VPS8: variants seen among roughly 807,000 people sequenced by gnomAD.
VPS8 encodes the protein VPS8 subunit of CORVET complex.
A neutral mutation model predicts 216.4 loss-of-function variants in VPS8; 129 were observed. The ratio of observed to expected loss-of-function variants is 0.60; its 90% CI spans 0.52 to 0.69. VPS8 has a LOEUF of 0.69. Among genes scored for constraint, VPS8 ranks in the 30% least tolerant of loss-of-function variants. The pLI is 0.00. For synonymous variants in VPS8, 571 were observed against 565.4 expected (o/e 1.01, Z -0.14); for missense variants, 1,531 against 1,683.5 (o/e 0.91, Z 1.59).
chr3:184,901,179 C>G, intron 25 of VPS8: 1 of 549,098 alleles, frequency 1.8e-6, no homozygotes, highest in Non-Finnish European at 3.2e-6. Flanking sequence ...GATCCTTTCC[C>G]CACAGCCCTG....
chr3:184,947,318 C>G (rs1174004370), intron 36 of VPS8, among the ~76,000 whole-genome samples: 1 of 152,108 alleles, frequency 6.6e-6, no homozygotes, highest in African/African-American at 2.4e-5. Context: ...ACTTTCCTTT[C>G]AGAAAGTTTC....
chr3:184,823,744 A>G (rs1349340213), intron 1 of VPS8, among the ~76,000 whole-genome samples: 2 of 152,224 alleles, frequency 1.3e-5, no homozygotes, highest in Admixed American at 6.5e-5. Context: ...TAATTATTAA[A>G]CTTACAGTAA....
intron 30 of VPS8, among the ~76,000 whole-genome samples, chr3:184,925,547 A>C (rs1444583076): frequency 6.6e-6 from 1 of 152,146 alleles, no homozygotes; most frequent in Non-Finnish European, 1.5e-5. Context: ...CTCCTTTTAT[A>C]GATGAGGAAA....
chr3:184,968,498 CA>C (rs1747791894), intron 39 of VPS8, among the ~76,000 whole-genome samples: 1 of 152,194 alleles, frequency 6.6e-6, no homozygotes, highest in Admixed American at 6.5e-5. Context: ...TTCCCACCAA[CA>C]GTACACAAGG....
chr3:185,004,325 C>T (rs1298018317), intron 45 of VPS8, among the ~76,000 whole-genome samples: 5 of 152,192 alleles, frequency 3.3e-5, no homozygotes, highest in Non-Finnish European at 5.9e-5. Flanking sequence ...CAAAAAAATA[C>T]GAAAACCAGT....
chr3:184,928,373 T>C (rs1156696142), intron 31 of VPS8, 78 bp from the exon 32 acceptor site: 4 of 1,299,476 alleles, frequency 3.1e-6, no homozygotes, highest in African/African-American at 1.6e-5. Context: ...TTAAATGTTA[T>C]AGTCTGCATG....
intron 13 of VPS8, 73 bp downstream of exon 13, chr3:184,854,246 G>A: frequency 6.6e-7 from 1 of 1,511,500 alleles, no homozygotes; most frequent in Non-Finnish European, 9.2e-7. Context: ...GGCTTGCAAG[G>A]GGTGAATTCT....
chr3:184,891,019 A>G (rs930723278), intron 22 of VPS8, among the ~76,000 whole-genome samples: 1 of 152,168 alleles, frequency 6.6e-6, no homozygotes, highest in Non-Finnish European at 1.5e-5. Flanking sequence ...TACTTTGAAA[A>G]TAGATCCAGA....
intron 45 of VPS8, among the ~76,000 whole-genome samples, chr3:185,012,161 T>A (rs931044250): frequency 6.6e-5 from 10 of 150,810 alleles, no homozygotes; most frequent in African/African-American, 2.4e-4. Flanking sequence ...CTTGGTGACC[T>A]GTGAAACAAT....
chr3:184,829,728 T>C (rs1719590469), intron 3 of VPS8, among the ~76,000 whole-genome samples: 1 of 152,234 alleles, frequency 6.6e-6, no homozygotes, highest in African/African-American at 2.4e-5. Flanking sequence ...AAAAGATTTG[T>C]AGTGCTATCA....
intron 33 of VPS8, 132 bp downstream of exon 33, chr3:184,929,796 G>A: frequency 1.8e-6 from 1 of 547,320 alleles, no homozygotes; most frequent in Middle Eastern, 4.8e-4. Context: ...AACAGATACA[G>A]TTCTTGCAGT....
chr3:184,991,650 A>C (rs2109833079), intron 42 of VPS8, among the ~76,000 whole-genome samples: 1 of 152,316 alleles, frequency 6.6e-6, no homozygotes, highest in East Asian at 1.9e-4. Context: ...TAAATATTAT[A>C]ATAGATTTTT....
At chr3:184,928,377 C>A in intron 31 of VPS8, 74 bp from the exon 32 acceptor site, 1 of 1,332,178 alleles carries the variant, frequency 7.5e-7, no homozygotes, top group Non-Finnish European at 1.0e-6. Context: ...ATGTTATAGT[C>A]TGCATGGCTG....
chr3:184,986,852 A>G (rs1454796935), intron 42 of VPS8, among the ~76,000 whole-genome samples: 2 of 151,962 alleles, frequency 1.3e-5, no homozygotes, highest in African/African-American at 4.8e-5. Context: ...TCCCTCCCAC[A>G]CTCAGTTTTG....
In VPS8 at chr3:184,866,898, G is replaced by A; in HGVS notation, c.1418G>A (p.Cys473Tyr). The change falls in exon 17 of 48, where the codon TGT (cysteine) becomes TAT (tyrosine). Residue 473 changes from cysteine (C) to tyrosine (Y), a missense_variant. Physicochemically the swap from Cys to Tyr is radical, Grantham distance 194. Coordinates refer to ENST00000625842, the MANE Select transcript of VPS8 (RefSeq NM_001009921.3). Reference sequence around the variant, plus strand: ...CAGGCTTTGGTTGGAGAGAAGGCTTGTTATCAATCCATCAGTAGCTATGGT... The same window carrying A: ...CAGGCTTTGGTTGGAGAGAAGGCTTATTATCAATCCATCAGTAGCTATGGT... The part of the protein sequence containing the change: ...QALALVGEKA[C>Y]YQSISSYGGQ... 1 of 1,613,004 alleles carries A rather than the reference G, an allele frequency of 6.2e-7. No homozygotes were observed. Among genetic ancestry groups the A allele is most frequent in the Non-Finnish European group, 8.5e-7 (1 of 1,179,534 alleles).
chr3:185,047,983 C>T (rs1446857620), intron 46 of VPS8, among the ~76,000 whole-genome samples: 2 of 152,150 alleles, frequency 1.3e-5, no homozygotes, highest in African/African-American at 4.8e-5. Flanking sequence ...CAGGCTAGAC[C>T]GGCCCTTTTC....
chr3:184,853,054 A>G (rs1724607908), intron 11 of VPS8, among the ~76,000 whole-genome samples: 1 of 152,214 alleles, frequency 6.6e-6, no homozygotes, highest in South Asian at 2.1e-4. Flanking sequence ...AAGTTCTTCA[A>G]GGTTAACAAC....
chr3:184,984,328 T>C (rs1750737494), intron 42 of VPS8, among the ~76,000 whole-genome samples: 3 of 150,344 alleles, frequency 2.0e-5, no homozygotes, highest in South Asian at 2.1e-4. Context: ...AGTTTCACTC[T>C]TGTTGCCCAG....
At chr3:184,964,332 T>A in intron 37 of VPS8, 136 bp from the exon 38 acceptor site, 1 of 437,652 alleles carries the variant, frequency 2.3e-6, no homozygotes, top group East Asian at 3.8e-5. Flanking sequence ...GCTATTTGCA[T>A]ATTGTACTGT....
Sources: allele counts gnomAD v4.1 joint callset (sites outside exome capture counted in the v4.1 genomes callset), GRCh38; gene constraint gnomAD v4.1.1; transcripts MANE v1.5; gene names NCBI Gene and HGNC (gene_info 2026-07-23, HGNC 2026-07-21).